KCNK2: variants seen among roughly 807,000 people sequenced by gnomAD.
KCNK2 encodes potassium two pore domain channel subfamily K member 2, also known as potassium channel subfamily K member 2.
In KCNK2, 21 loss-of-function variants were observed where a neutral mutation model predicts 40.5. That is an observed-to-expected ratio of 0.52 (90% CI 0.37 to 0.75). The LOEUF is 0.75. Among genes scored for constraint, KCNK2 ranks in the 30% least tolerant of loss-of-function variants. The pLI is 0.00. For missense variants in KCNK2, 399 were observed against 531.6 expected (o/e 0.75, Z 2.45); for synonymous variants, 191 against 202.2 (o/e 0.94, Z 0.47).
chr1:215,220,797 C>T (rs1278945308), intron 6 of KCNK2, among the ~76,000 whole-genome samples: 1 of 134,326 alleles, frequency 7.4e-6, no homozygotes, highest in Admixed American at 7.4e-5. Flanking sequence ...ATAATGAATG[C>T]ATATTATGGC....
At chr1:215,112,861 G>T (rs549669023) in intron 2 of KCNK2, among the ~76,000 whole-genome samples, 2 of 152,110 alleles carry the variant, frequency 1.3e-5, no homozygotes, top group African/African-American at 4.8e-5. Flanking sequence ...GTTTGTGGAA[G>T]TACTCTCTAT....
rs1288861235 is a variant in KCNK2, at chr1:215,061,271, T to G, written c.35-25097T>G. Among the ~76,000 whole-genome samples the G allele has an allele frequency of 2.0e-5, 3 of 152,192 alleles. No homozygotes were observed. The East Asian group carries it at 5.8e-4, about 29-fold the overall frequency. ...AACTTCAAACAATATGGCCTTGGCTTAATTGTCAAAATGTTTTGAAGCATC... is the reference window on the plus strand; with the variant it reads ...AACTTCAAACAATATGGCCTTGGCTGAATTGTCAAAATGTTTTGAAGCATC... On this transcript the variant is annotated intron_variant, in intron 1 of 6. Coordinates refer to the KCNK2 transcript ENST00000391895.
intron 3 of KCNK2, among the ~76,000 whole-genome samples, chr1:215,130,580 T>A (rs1661624961): frequency 6.6e-6 from 1 of 152,174 alleles, no homozygotes; most frequent in African/African-American, 2.4e-5. Context: ...TCCTGTGGAC[T>A]GAGCTCTTAA....
intron 6 of KCNK2, among the ~76,000 whole-genome samples, chr1:215,213,365 T>C (rs1309031348): frequency 1.3e-5 from 2 of 152,184 alleles, no homozygotes; most frequent in Non-Finnish European, 2.9e-5. Flanking sequence ...TTCCAGTACT[T>C]TGGGAGGCCA....
At chr1:215,201,364 G>T (rs1226550007) in intron 6 of KCNK2, among the ~76,000 whole-genome samples, 4 of 152,324 alleles carry the variant, frequency 2.6e-5, no homozygotes, top group Non-Finnish European at 5.9e-5. Flanking sequence ...CACTCTTGTA[G>T]AAAGCAATGT....
chr1:215,190,978 T>TA (rs1468823610), intron 5 of KCNK2, among the ~76,000 whole-genome samples: 1 of 142,324 alleles, frequency 7.0e-6, no homozygotes, highest in African/African-American at 2.6e-5. Context: ...TCTTTCTTTC[T>TA]TTTTTTTTTT....
chr1:215,005,699 AG>A, upstream of KCNK2: 1 of 496,932 alleles, frequency 2.0e-6, no homozygotes, highest in African/African-American at 1.9e-5. Context: ...AGAGGATTTG[AG>A]TAGCACATTT....
chr1:215,082,597 G>C (rs947697520), upstream of KCNK2, among the ~76,000 whole-genome samples: 2 of 152,110 alleles, frequency 1.3e-5, no homozygotes, highest in African/African-American at 4.8e-5. Flanking sequence ...CAGGAAGAGG[G>C]AAGAGAGGAT....
chr1:215,097,259 G>A (rs774511341), intron 2 of KCNK2, among the ~76,000 whole-genome samples: 23 of 151,792 alleles, frequency 1.5e-4, no homozygotes, highest in Admixed American at 4.6e-4. Flanking sequence ...GACACGTATG[G>A]TAGTGCAGAA....
chr1:215,122,603 T>G (rs527262631), intron 2 of KCNK2, among the ~76,000 whole-genome samples: 1 of 152,216 alleles, frequency 6.6e-6, no homozygotes, highest in African/African-American at 2.4e-5. Flanking sequence ...ATTTTATCAC[T>G]TCATTAAAGA....
chr1:215,234,391 G>A (rs1666790316), intron 6 of KCNK2, among the ~76,000 whole-genome samples: 1 of 152,096 alleles, frequency 6.6e-6, no homozygotes, highest in African/African-American at 2.4e-5. Context: ...GGTTCATATT[G>A]CAGACTCTTT....
intron 5 of KCNK2, among the ~76,000 whole-genome samples, chr1:215,193,870 A>T (rs1489366996): frequency 2.6e-4 from 39 of 152,178 alleles, no homozygotes; most frequent in Admixed American, 2.6e-3. Flanking sequence ...ACTAAAAGTC[A>T]TTTGACTATA....
chr1:215,172,481 C>G (rs1663758607), intron 5 of KCNK2, among the ~76,000 whole-genome samples: 2 of 152,038 alleles, frequency 1.3e-5, no homozygotes, highest in African/African-American at 4.8e-5. Flanking sequence ...CTGTATCACT[C>G]CCATCTCTAC....
Position 215,083,197 on chromosome 1 carries a change from C to CA in KCNK2, c.-189_-188insA. ...GCGATTTCGTTTCTTCTCACGCTCC[C>CA]CCCCCCGCCCCCTCCCGCGTCCAGC... is the stretch of plus-strand genomic sequence containing the variant. On this transcript the variant is annotated 5_prime_UTR_variant, in exon 1 of 7. Coordinates refer to ENST00000444842, the MANE Select transcript of KCNK2 (RefSeq NM_001017425.3). 7.5e-6 allele frequency: 4 copies of CA among 536,496 alleles called. No individual in the cohort carries two copies. Among genetic ancestry groups the CA allele is most frequent in the South Asian group, 3.5e-5 (2 of 56,668 alleles). The allele number at this position is 536,496 out of a possible 1,614,324, so 33.2% of individuals were successfully genotyped here.
At chr1:215,033,457 A>G (rs999237880) in intron 1 of KCNK2, among the ~76,000 whole-genome samples, 51 of 152,132 alleles carry the variant, frequency 3.4e-4, no homozygotes, top group African/African-American at 1.1e-3. Context: ...AAAGCCAGAC[A>G]TAATGTACTG....
At chr1:215,194,224 G>A (rs1018906483) in intron 5 of KCNK2, among the ~76,000 whole-genome samples, 5 of 152,110 alleles carry the variant, frequency 3.3e-5, no homozygotes, top group Non-Finnish European at 7.4e-5. Flanking sequence ...TATAGGTACA[G>A]TTATTGTTCC....
rs375935295 is a variant in KCNK2, at chr1:215,107,380, A to G, written c.358-17253A>G. Among the ~76,000 whole-genome samples, 92 of 152,134 alleles carry G rather than the reference A, an allele frequency of 6.0e-4. 1 individual carries two copies. In the South Asian group the frequency reaches 0.019, roughly 31 times the overall value. Reference sequence around the variant, plus strand: ...AATAAATACCCAGAAACAGGATTGCAGGATTATATGGTAGTTCTAGTTTTA... The same window carrying G: ...AATAAATACCCAGAAACAGGATTGCGGGATTATATGGTAGTTCTAGTTTTA... On this transcript the variant is annotated intron_variant, in intron 2 of 6. Transcript: ENST00000444842.
chr1:215,010,342 A>G (rs1344126211), intron 1 of KCNK2, among the ~76,000 whole-genome samples: 1 of 152,220 alleles, frequency 6.6e-6, no homozygotes, highest in Non-Finnish European at 1.5e-5. Context: ...GCTTAACATT[A>G]CGCATTCTGT....
At chr1:215,156,061 C>CTGTG (rs112439818) in intron 3 of KCNK2, among the ~76,000 whole-genome samples, 2,424 of 148,718 alleles carry the variant, frequency 0.016, 45 homozygotes, top group South Asian at 0.063. Flanking sequence ...TATAGGTAGT[C>CTGTG]TGTGTGTGTG....
Sources: gnomAD v4.1 joint callset for allele counts (sites outside exome capture counted in the v4.1 genomes callset) on GRCh38, gnomAD v4.1.1 for gene constraint, MANE v1.5 for transcripts, NCBI Gene and HGNC (gene_info 2026-07-23, HGNC 2026-07-21) for gene names.